The following DAB1 variants were observed in gnomAD, a reference collection of about 807,000 sequenced individuals.
DAB1 encodes DAB adaptor protein 1.
A neutral mutation model predicts 64.6 loss-of-function variants in DAB1; 15 were observed. That is an observed-to-expected ratio of 0.23 (90% CI 0.16 to 0.36). The LOEUF is 0.36. DAB1 is among the 10% of genes least tolerant of loss of function. The probability of loss-of-function intolerance (pLI) is 1.00; values close to 1 mark genes in which losing one functional copy is unlikely to be tolerated. For missense variants in DAB1, 596 were observed against 706.7 expected (o/e 0.84, Z 1.78); for synonymous variants, 235 against 251.9 (o/e 0.93, Z 0.64).
intron 1 of DAB1, among the ~76,000 whole-genome samples, chr1:57,325,268 T>A (rs1676061017): frequency 6.6e-6 from 1 of 152,202 alleles, no homozygotes; most frequent in African/African-American, 2.4e-5. Context: ...ACAAATCACC[T>A]GCCCCCTGTT....
intron 1 of DAB1, among the ~76,000 whole-genome samples, chr1:57,303,749 G>A (rs537448959): frequency 2.0e-5 from 3 of 152,254 alleles, no homozygotes; most frequent in East Asian, 1.9e-4. Context: ...GCACCCAATG[G>A]CAGGGAGCAA....
chr1:57,672,332 T>C (rs1646519137), intron 6 of DAB1, among the ~76,000 whole-genome samples: 1 of 152,174 alleles, frequency 6.6e-6, no homozygotes, highest in Non-Finnish European at 1.5e-5. Context: ...GGTATGTAGT[T>C]AATATCATAA....
chr1:58,060,821 T>G (rs1648453390), intron 5 of DAB1, among the ~76,000 whole-genome samples: 1 of 152,250 alleles, frequency 6.6e-6, no homozygotes, highest in Non-Finnish European at 1.5e-5. Context: ...TGATTACCTT[T>G]GCTCACACAC....
At chr1:57,149,420 G>A (rs565294237) in intron 2 of DAB1, among the ~76,000 whole-genome samples, 1 of 152,256 alleles carries the variant, frequency 6.6e-6, no homozygotes, top group Admixed American at 6.5e-5. Context: ...TTTCCAAAGT[G>A]TCTGCACCAT....
chr1:57,993,001 C>T (rs1319334767), intron 5 of DAB1, among the ~76,000 whole-genome samples: 1 of 152,052 alleles, frequency 6.6e-6, no homozygotes, highest in Non-Finnish European at 1.5e-5. Flanking sequence ...CTCAGTACAC[C>T]TTTTTATGAG....
chr1:58,446,815 C>T (rs1645072734), intron 3 of DAB1, among the ~76,000 whole-genome samples: 1 of 152,224 alleles, frequency 6.6e-6, no homozygotes, highest in Admixed American at 6.5e-5. Context: ...CCTGTAAACT[C>T]TAACTCTCCA....
intron 6 of DAB1, among the ~76,000 whole-genome samples, chr1:57,733,169 G>C (rs1220329832): frequency 6.6e-6 from 1 of 151,986 alleles, no homozygotes; most frequent in Non-Finnish European, 1.5e-5. Flanking sequence ...TTTCTGTGAG[G>C]CTGCCCTAAA....
intron 5 of DAB1, among the ~76,000 whole-genome samples, chr1:58,052,608 T>C (rs1647752285): frequency 6.6e-6 from 1 of 152,216 alleles, no homozygotes; most frequent in African/African-American, 2.4e-5. Context: ...TTGATGGGGA[T>C]GGCATTGAAT....
chr1:57,534,497 C>T (rs910801813), intron 7 of DAB1, among the ~76,000 whole-genome samples: 1 of 152,174 alleles, frequency 6.6e-6, no homozygotes, highest in Non-Finnish European at 1.5e-5. Context: ...GCTGTGGGAT[C>T]AATTAGGCCC....
At chr1:57,790,208 G>A (rs1455983639) in intron 6 of DAB1, among the ~76,000 whole-genome samples, 1 of 152,142 alleles carries the variant, frequency 6.6e-6, no homozygotes, top group East Asian at 1.9e-4. Flanking sequence ...GTCATGGGAG[G>A]GACCTAGCAG....
chr1:57,339,729 C>T (rs1454543084), intron 1 of DAB1, among the ~76,000 whole-genome samples: 3 of 152,268 alleles, frequency 2.0e-5, no homozygotes, highest in Admixed American at 2.0e-4. Flanking sequence ...ATATTAAATG[C>T]TTTCAAGGAT....
chr1:57,963,620 C>T (rs142692824), intron 5 of DAB1, among the ~76,000 whole-genome samples: 5 of 152,116 alleles, frequency 3.3e-5, no homozygotes, highest in Non-Finnish European at 7.4e-5. Flanking sequence ...TTGAGCTGAT[C>T]ATTTCTCTCA....
At chr1:57,155,258 C>A (rs936854910) in intron 2 of DAB1, among the ~76,000 whole-genome samples, 9 of 152,144 alleles carry the variant, frequency 5.9e-5, no homozygotes, top group Admixed American at 2.6e-4. Context: ...ATCCAATTTT[C>A]TCAGCACCAT....
chr1:57,434,528 A>G (rs905169417), intron 7 of DAB1, among the ~76,000 whole-genome samples: 1 of 152,226 alleles, frequency 6.6e-6, no homozygotes, highest in Non-Finnish European at 1.5e-5. Context: ...GGGATAATGG[A>G]ATAAACATAT....
At chr1:57,373,131 G>T (rs946309753) in intron 1 of DAB1, among the ~76,000 whole-genome samples, 20 of 152,334 alleles carry the variant, frequency 1.3e-4, no homozygotes, top group South Asian at 8.3e-4. Flanking sequence ...GCTGCAGCGA[G>T]CTGTGCTTGT....
intron 1 of DAB1, among the ~76,000 whole-genome samples, chr1:57,853,151 G>A (rs1315570462): frequency 5.9e-5 from 9 of 152,024 alleles, no homozygotes; most frequent in African/African-American, 2.2e-4. Flanking sequence ...CAGGCCATGA[G>A]GAAGAACTTC....
rs1557595087 is a variant in DAB1 at position 57,984,240 on chromosome 1, G to GAAAGAAAGAAAGAAAGAAAGAA, written n.388-100100_388-100079dup. On this transcript the variant is annotated intron_variant and non_coding_transcript_variant, in intron 5 of 20. Transcript: ENST00000485760. ...AGAAAGAAAGAAAGAAAGAAAGAAA[G>GAAAGAAAGAAAGAAAGAAAGAA]AAAGAAAGAAAGAAAGAAAGAAAAA... Among the ~76,000 whole-genome samples the GAAAGAAAGAAAGAAAGAAAGAA allele has an allele frequency of 1.7e-4, 25 of 143,540 alleles. 1 individual carries two copies. The highest frequency in any genetic ancestry group is 6.2e-4 in the African/African-American group (24 of 38,716). 94.2% of individuals were successfully genotyped at this position (143,540 alleles called of 152,430 possible).
intron 6 of DAB1, among the ~76,000 whole-genome samples, chr1:57,680,377 A>T (rs2101696747): frequency 6.6e-6 from 1 of 152,376 alleles, no homozygotes; most frequent in South Asian, 2.1e-4. Context: ...ATGGTTCAGA[A>T]GTCTGACACA....
intron 3 of DAB1, among the ~76,000 whole-genome samples, chr1:58,354,813 C>T (rs1644094787): frequency 6.6e-6 from 1 of 152,126 alleles, no homozygotes. Flanking sequence ...ATTTTATCCA[C>T]ACCTGTGACA....
Sources: gnomAD v4.1 joint callset for allele counts (sites outside exome capture counted in the v4.1 genomes callset) on GRCh38, gnomAD v4.1.1 for gene constraint, MANE v1.5 for transcripts, NCBI Gene and HGNC (gene_info 2026-07-23, HGNC 2026-07-21) for gene names.